Variants in IL15 observed in about 807,000 individuals in gnomAD.
IL15 encodes the protein interleukin 15.
In IL15, 11 loss-of-function variants were observed where a neutral mutation model predicts 19.6. The observed-to-expected ratio is 0.56, with a 90% confidence interval of 0.35 to 0.93. The LOEUF (loss-of-function observed/expected upper bound fraction) is 0.93. IL15 is among the 40% of genes least tolerant of loss of function. The pLI, the probability that IL15 is intolerant of heterozygous loss-of-function variation, is 0.01. For synonymous variants in IL15, 58 were observed against 59.6 expected, an observed-to-expected ratio of 0.97 and a Z score of 0.12; for missense variants, 197 against 186.5, an observed-to-expected ratio of 1.06 and a Z score of -0.33.
chr4:141,671,009 A>C (rs1728156638), intron 2 of IL15, among the ~76,000 whole-genome samples: 1 of 152,202 alleles, frequency 6.6e-6, no homozygotes, highest in South Asian at 2.1e-4. Flanking sequence ...TTAAATATTT[A>C]AAATGGCAGA....
intron 4 of IL15, chr4:141,721,280 C>T: frequency 1.4e-6 from 1 of 693,136 alleles, no homozygotes; most frequent in Admixed American, 2.1e-5. Flanking sequence ...AAGCATCATT[C>T]CAATGTTACT....
chr4:141,721,433 GA>G (rs1459502962), intron 4 of IL15: 1 of 623,022 alleles, frequency 1.6e-6, no homozygotes, highest in Non-Finnish European at 3.0e-6. Flanking sequence ...AGCATAGTAA[GA>G]GTGTGAGCAA....
At chr4:141,642,941 G>C (rs1727101561) in intron 1 of IL15, among the ~76,000 whole-genome samples, 1 of 152,196 alleles carries the variant, frequency 6.6e-6, no homozygotes, top group Admixed American at 6.5e-5. Context: ...ACTTCAGCAT[G>C]AGTCAATCAT....
chr4:141,702,226 CTT>C (rs1729345153), intron 2 of IL15, among the ~76,000 whole-genome samples: 1 of 152,186 alleles, frequency 6.6e-6, no homozygotes, highest in African/African-American at 2.4e-5. Flanking sequence ...TGTTCACACT[CTT>C]TTGTTCCATG....
chr4:141,643,894 A>G lies in IL15; in HGVS notation c.-222+7146A>G, dbSNP rs149067949. ...TTCAACCATCTCTGATTGGATGTCT[A>G]ATACTCACTGGATTCCTGCCTTTAC... On this transcript the variant is annotated intron_variant, in intron 1 of 7. Transcript: ENST00000320650. Among the ~76,000 whole-genome samples, 146 of 151,734 alleles carry G rather than the reference A, an allele frequency of 9.6e-4. 1 individual carries two copies. Among genetic ancestry groups the G allele is most frequent in the African/African-American group, 3.2e-3 (131 of 41,350 alleles).
At chr4:141,731,342 A>C (rs191325426) in intron 7 of IL15, among the ~76,000 whole-genome samples, 1 of 152,256 alleles carries the variant, frequency 6.6e-6, no homozygotes, top group Admixed American at 6.5e-5. Flanking sequence ...CTTAAAATGG[A>C]CAAGTGTTTT....
intron 4 of IL15, chr4:141,720,853 A>G (rs1730051017): frequency 1.9e-6 from 1 of 537,368 alleles, no homozygotes; most frequent in Non-Finnish European, 3.3e-6. Context: ...TTGATAGACT[A>G]CATATTTTTC....
intron 1 of IL15, among the ~76,000 whole-genome samples, chr4:141,655,081 G>C (rs370260970): frequency 6.6e-6 from 1 of 152,046 alleles, no homozygotes; most frequent in Non-Finnish European, 1.5e-5. Flanking sequence ...GAATCAGATG[G>C]GTCTAAATGC....
chr4:141,645,842 G>T (rs758511412), intron 1 of IL15, among the ~76,000 whole-genome samples: 8 of 151,944 alleles, frequency 5.3e-5, no homozygotes, highest in African/African-American at 1.2e-4. Flanking sequence ...TGGGCTCCTT[G>T]GTTCTCCTCC....
rs181520068 is a variant in IL15 at position 141,692,332 on chromosome 4, C to T, written c.-99-27034C>T. Reference sequence around the variant, plus strand: ...ATCTCTGAAATGCCTGGAGACATTTCCTGCATTGTCTTGGCAATTAACTTT... The same window carrying T: ...ATCTCTGAAATGCCTGGAGACATTTTCTGCATTGTCTTGGCAATTAACTTT... On this transcript the variant is annotated intron_variant, in intron 2 of 7. Coordinates refer to ENST00000320650, the MANE Select transcript of IL15 (RefSeq NM_000585.5). Among the ~76,000 whole-genome samples the T allele has an allele frequency of 5.9e-5, 9 of 152,338 alleles. No homozygotes were observed. The East Asian group carries it at 1.7e-3, about 29-fold the overall frequency.
intron 7 of IL15, among the ~76,000 whole-genome samples, chr4:141,731,010 A>G (rs1472562120): frequency 6.6e-6 from 1 of 152,170 alleles, no homozygotes; most frequent in East Asian, 1.9e-4. Flanking sequence ...CAGTTAGGGT[A>G]GGCTGAGCTA....
At chr4:141,727,799 C>T in intron 5 of IL15, 141 bp from the exon 6 acceptor site, 2 of 599,614 alleles carry the variant, frequency 3.3e-6, no homozygotes, top group South Asian at 3.9e-5. Flanking sequence ...TCTGTATTTA[C>T]TCTTACAGTT....
At chr4:141,704,569 TA>T (rs925871662) in intron 2 of IL15, 2 of 372,188 alleles carry the variant, frequency 5.4e-6, no homozygotes, top group African/African-American at 2.2e-5. Context: ...AAAATAAGTT[TA>T]AAAGTATTCT....
At chr4:141,708,757 A>C (rs1403887978) in intron 2 of IL15, among the ~76,000 whole-genome samples, 1 of 152,138 alleles carries the variant, frequency 6.6e-6, no homozygotes, top group Admixed American at 6.5e-5. Flanking sequence ...GCTCTCCAGC[A>C]TACTTCCTCA....
At chr4:141,682,229 T>C (rs899185840) in intron 2 of IL15, among the ~76,000 whole-genome samples, 1 of 152,226 alleles carries the variant, frequency 6.6e-6, no homozygotes, top group African/African-American at 2.4e-5. Context: ...AAATGATTAA[T>C]ACACAAATAT....
chr4:141,687,156 A>G (rs1047236053), intron 2 of IL15, among the ~76,000 whole-genome samples: 3 of 152,206 alleles, frequency 2.0e-5, no homozygotes, highest in African/African-American at 7.2e-5. Context: ...GGTCTCAGAC[A>G]GGCCAGTGCC....
At chr4:141,700,449 C>T (rs1456214842) in intron 2 of IL15, among the ~76,000 whole-genome samples, 1 of 152,106 alleles carries the variant, frequency 6.6e-6, no homozygotes, top group Admixed American at 6.6e-5. Context: ...AAATATAGGG[C>T]CCCAATCCCT....
At chr4:141,701,948 C>A (rs776085149) in intron 2 of IL15, among the ~76,000 whole-genome samples, 2 of 152,186 alleles carry the variant, frequency 1.3e-5, no homozygotes, top group Non-Finnish European at 2.9e-5. Flanking sequence ...AGTACTCCCC[C>A]TGTTGGGCTG....
Position 141,656,228 on chromosome 4 carries a change from T to C in IL15, c.-179T>C. 2.5e-6 allele frequency: 1 copy of C among 398,466 alleles called. No individual in the cohort carries two copies. The allele number at this position is 398,466 out of a possible 1,614,324, so 24.7% of individuals were successfully genotyped here. A position where few individuals can be genotyped will look rare whatever the true frequency, so the allele number is the denominator to read the frequency against. ...GGCCATGTGGCTCTTTGGAGCAATG[T>C]TCCATCATGTTCCATGCTGCTGACG... On this transcript the variant is annotated 5_prime_UTR_variant, in exon 2 of 8. Transcript: ENST00000320650.
Sources: allele counts gnomAD v4.1 joint callset (sites outside exome capture counted in the v4.1 genomes callset), GRCh38; gene constraint gnomAD v4.1.1; transcripts MANE v1.5; gene names NCBI Gene and HGNC (gene_info 2026-07-23, HGNC 2026-07-21).